The following GLB1 variants were observed in gnomAD, a reference collection of about 807,000 sequenced individuals.
The protein encoded by GLB1 is galactosidase beta 1.
GLB1 carries 56 observed loss-of-function variants against 74.0 expected under a neutral mutation model. The observed-to-expected ratio is 0.76, with a 90% CI of 0.61 to 0.94. The LOEUF (loss-of-function observed/expected upper bound fraction) is 0.94. Among genes scored for constraint, GLB1 ranks in the 40% least tolerant of loss-of-function variants. The pLI is 0.00. For synonymous variants in GLB1, 323 were observed against 323.6 expected, an observed-to-expected ratio of 1.00 and a Z score of 0.02; for missense variants, 787 against 845.5, an observed-to-expected ratio of 0.93 and a Z score of 0.86.
At chr3:33,035,391 CA>C (rs1698229089) in intron 10 of GLB1, among the ~76,000 whole-genome samples, 1 of 151,886 alleles carries the variant, frequency 6.6e-6, no homozygotes, top group Admixed American at 6.6e-5. Flanking sequence ...ATGATTGCAC[CA>C]CTGCACTCCA....
chr3:33,039,699 T>A (rs1698426153), intron 10 of GLB1, among the ~76,000 whole-genome samples: 1 of 151,922 alleles, frequency 6.6e-6, no homozygotes, highest in African/African-American at 2.4e-5. Flanking sequence ...GAAGTAAACA[T>A]AACATTGGAT....
chr3:33,014,156 T>C lies in GLB1; in HGVS notation c.1634A>G (p.Asn545Ser), dbSNP rs755478023. 13 of 1,613,866 alleles carry C rather than the reference T, an allele frequency of 8.1e-6. No homozygotes were observed. Among genetic ancestry groups the C allele is most frequent in the African/African-American group, 4.0e-5 (3 of 74,852 alleles). ...CATATAAAAGGCCGGGAGCGTGTAG[T>C]TGGATGAGTTGTGGGCCCAGGCTTC... Reference protein sequence around the residue: ...HDEAWAHNSSNYTLPAFYMGN... With the variant: ...HDEAWAHNSSSYTLPAFYMGN... Residue 545 changes from asparagine (N) to serine (S), a missense_variant, in exon 15 of 16, where the codon AAC (asparagine) becomes AGC (serine). Physicochemically the swap from Asn to Ser is conservative, Grantham distance 46 (BLOSUM62 1). Coordinates refer to ENST00000307363, the MANE Select transcript of GLB1 (RefSeq NM_000404.4).
At chr3:32,985,381 C>A in the GLB1 span, among the ~76,000 whole-genome samples, 2 of 152,054 alleles carry the variant, frequency 1.3e-5, no homozygotes, top group East Asian at 3.9e-4. Flanking sequence ...ACCTCTGCCT[C>A]CCGGGTTCAA....
At chr3:33,048,606 C>T (rs1698841097) in intron 9 of GLB1, among the ~76,000 whole-genome samples, 1 of 152,218 alleles carries the variant, frequency 6.6e-6, no homozygotes, top group African/African-American at 2.4e-5. Flanking sequence ...CCCTGCTCTC[C>T]TCTAGGAAGC....
chr3:33,053,055 C>A (rs775377125), intron 7 of GLB1, among the ~76,000 whole-genome samples: 1 of 152,152 alleles, frequency 6.6e-6, no homozygotes, highest in Non-Finnish European at 1.5e-5. Flanking sequence ...ACGGGAAGAA[C>A]GGAGAGAGAA....
At chr3:33,043,745 T>C (rs1357527291) in intron 10 of GLB1, among the ~76,000 whole-genome samples, 1 of 29,376 alleles carries the variant, frequency 3.4e-5, no homozygotes, top group African/African-American at 9.2e-5. Context: ...ACAAAGGATA[T>C]AAAAAGGATG....
intron 11 of GLB1, among the ~76,000 whole-genome samples, chr3:33,023,611 G>C (rs775423313): frequency 1.3e-5 from 2 of 151,790 alleles, no homozygotes; most frequent in African/African-American, 2.4e-5. Context: ...TTATAAAAGG[G>C]GAAAACCTGA....
At chr3:33,020,963 G>GGT (rs1432793768) in intron 12 of GLB1, among the ~76,000 whole-genome samples, 1 of 151,780 alleles carries the variant, frequency 6.6e-6, no homozygotes, top group Non-Finnish European at 1.5e-5. Flanking sequence ...AAAGCATATG[G>GGT]GTGTTTATTG....
At chr3:33,077,518 A>G (rs1476855739) in intron 1 of GLB1, 1 of 753,690 alleles carries the variant, frequency 1.3e-6, no homozygotes, top group African/African-American at 1.8e-5. Flanking sequence ...TTCACTCCAG[A>G]ACTCTGTTCT....
the GLB1 span, among the ~76,000 whole-genome samples, chr3:32,978,388 C>CA: frequency 4.7e-3 from 704 of 149,598 alleles, 4 homozygotes; most frequent in African/African-American, 0.012. Context: ...AATTAAAAAA[C>CA]AAAAAAAAAA....
At position 33,058,129 on chromosome 3, in the gene GLB1, C is replaced by G. The variant is rs754493105; in HGVS notation, c.693G>C (p.Gly231=). Residue 231 remains glycine, a synonymous_variant, in exon 6 of 16, where the codon GGG becomes GGC. Coordinates refer to ENST00000307363, the MANE Select transcript of GLB1 (RefSeq NM_000404.4). ...CCGTGGTGTAGAGGCCCTGCAGGGC[C>G]CCACATTTCAGGAATGTTTTATGTG... is the stretch of plus-strand genomic sequence containing the variant. The part of the protein sequence containing the change: ...DGAHKTFLKC[G]ALQGLYTTVD... The G allele has an allele frequency of 3.7e-6, 6 of 1,614,078 alleles. No homozygotes were observed. In the Admixed American group the frequency reaches 8.3e-5, roughly 22 times the overall value.
downstream of GLB1, among the ~76,000 whole-genome samples, chr3:32,995,469 A>G (rs1375936265): frequency 5.9e-5 from 9 of 152,106 alleles, no homozygotes; most frequent in Admixed American, 5.9e-4. Context: ...CAGAACATCT[A>G]GAAAAAGGTA....
intron 1 of GLB1, among the ~76,000 whole-genome samples, chr3:33,079,098 T>A (rs1158389588): frequency 6.6e-6 from 1 of 152,194 alleles, no homozygotes; most frequent in Non-Finnish European, 1.5e-5. Context: ...TCATACTGCA[T>A]GAACCTATTT....
chr3:32,985,519 A>T, the GLB1 span, among the ~76,000 whole-genome samples: 4,418 of 151,530 alleles, frequency 0.029, 205 homozygotes, highest in African/African-American at 0.099. Context: ...CTCGAACTCC[A>T]GACCTCAAGT....
chr3:32,961,502 G>A, the GLB1 span, among the ~76,000 whole-genome samples: 5 of 152,200 alleles, frequency 3.3e-5, no homozygotes, highest in African/African-American at 1.2e-4. Flanking sequence ...AGAGGAGGCA[G>A]GTTTGCCAAA....
the GLB1 span, among the ~76,000 whole-genome samples, chr3:32,981,486 G>A: frequency 4.6e-5 from 7 of 151,104 alleles, no homozygotes; most frequent in South Asian, 2.1e-4. Context: ...TATTTTGCCC[G>A]ATACTGACCG....
At chr3:32,975,919 G>T in the GLB1 span, among the ~76,000 whole-genome samples, 1 of 152,214 alleles carries the variant, frequency 6.6e-6, no homozygotes, top group East Asian at 1.9e-4. Flanking sequence ...ATAGTGTTAG[G>T]AGAGAGAAAC....
intron 1 of GLB1, among the ~76,000 whole-genome samples, chr3:33,076,044 CAA>C (rs71733863): frequency 4.6e-4 from 37 of 79,628 alleles, no homozygotes; most frequent in South Asian, 2.0e-3. Context: ...GACTCTGTCT[CAA>C]AAAAAAAAAA....
At chr3:32,970,394 G>A in the GLB1 span, among the ~76,000 whole-genome samples, 3 of 152,204 alleles carry the variant, frequency 2.0e-5, no homozygotes, top group South Asian at 6.2e-4. Context: ...CCCATTATAA[G>A]TCAGATTAAA....
Sources: gnomAD v4.1 joint callset for allele counts (sites outside exome capture counted in the v4.1 genomes callset) on GRCh38, gnomAD v4.1.1 for gene constraint, MANE v1.5 for transcripts, NCBI Gene and HGNC (gene_info 2026-07-23, HGNC 2026-07-21) for gene names.